The following CCDC150 variants were observed in gnomAD, a reference collection of about 807,000 sequenced individuals.
CCDC150 encodes coiled-coil domain containing 150, also known as coiled-coil domain-containing protein 150.
CCDC150 carries 151 observed loss-of-function variants against 156.5 expected under a neutral mutation model. That is an observed-to-expected ratio of 0.97 (90% CI 0.85 to 1.10). The LOEUF is 1.10. Ranked by LOEUF, CCDC150 falls within the 50% of genes least tolerant of loss-of-function variation. CCDC150 has a pLI of 0.00. For synonymous variants in CCDC150, 452 were observed against 429.4 expected (o/e 1.05, Z -0.65); for missense variants, 1,312 against 1,268.1 (o/e 1.03, Z -0.53).
At chr2:196,716,875 G>A (rs1418964559) in intron 17 of CCDC150, among the ~76,000 whole-genome samples, 17 of 76,360 alleles carry the variant, frequency 2.2e-4, no homozygotes, top group African/African-American at 9.3e-4. Context: ...TTTTTTTTGA[G>A]ACAGAGAGTC....
chr2:196,641,124 G>A (rs538811076), intron 1 of CCDC150, among the ~76,000 whole-genome samples: 2 of 148,704 alleles, frequency 1.3e-5, no homozygotes, highest in South Asian at 2.2e-4. Flanking sequence ...CACCACGCCC[G>A]GCTAATTTTT....
intron 25 of CCDC150, 137 bp downstream of exon 25, chr2:196,730,255 C>T: frequency 1.5e-6 from 1 of 680,208 alleles, no homozygotes; most frequent in Non-Finnish European, 2.3e-6. Context: ...TAGCTAAGTC[C>T]TTAGAATAAT....
At chr2:196,720,906 C>G (rs1015746553) in intron 20 of CCDC150, among the ~76,000 whole-genome samples, 1 of 151,946 alleles carries the variant, frequency 6.6e-6, no homozygotes, top group Non-Finnish European at 1.5e-5. Flanking sequence ...CTTATATGGT[C>G]TACATTTTTA....
intron 7 of CCDC150, chr2:196,667,794 A>T (rs923153035): frequency 3.3e-5 from 5 of 152,228 alleles, no homozygotes; most frequent in Non-Finnish European, 1.5e-5. Flanking sequence ...CAATGTTTTG[A>T]CTTACTGCTT....
chr2:196,719,794 G>A (rs1697771226), intron 19 of CCDC150, 128 bp downstream of exon 19: 1 of 570,252 alleles, frequency 1.8e-6, no homozygotes, highest in East Asian at 3.3e-5. Flanking sequence ...ATGATATGTT[G>A]AAAGAATTCC....
At chr2:196,680,389 C>G (rs1018240167) in intron 13 of CCDC150, among the ~76,000 whole-genome samples, 5 of 152,128 alleles carry the variant, frequency 3.3e-5, no homozygotes, top group East Asian at 1.9e-4. Flanking sequence ...CTCCACCCCC[C>G]CAGGCTCAGG....
Position 196,648,565 on chromosome 2 carries a change from A to G in CCDC150, c.176+2061A>G, listed in dbSNP as rs574200845. 2.0e-5 allele frequency among the ~76,000 whole-genome samples: 3 copies of G among 152,282 alleles called. No homozygotes were observed. The East Asian group carries it at 5.8e-4, about 29-fold the overall frequency. On this transcript the variant is annotated intron_variant, in intron 2 of 27. Coordinates refer to ENST00000389175, the MANE Select transcript of CCDC150 (RefSeq NM_001080539.2). ...TTTATCAGATGTATGATTTGCAAAT[A>G]TCTTTTGCCAGTCTGTGAGTTGTCT...
At chr2:196,714,731 C>A (rs1349536187) in intron 17 of CCDC150, among the ~76,000 whole-genome samples, 1 of 152,112 alleles carries the variant, frequency 6.6e-6, no homozygotes, top group East Asian at 1.9e-4. Context: ...AGACCCTATT[C>A]TCCTGCCTCA....
chr2:196,703,307 A>G (rs912112115), intron 15 of CCDC150, among the ~76,000 whole-genome samples: 1 of 152,228 alleles, frequency 6.6e-6, no homozygotes, highest in Non-Finnish European at 1.5e-5. Context: ...GTAGTCGATA[A>G]GCCATGCTTG....
At chr2:196,676,379 T>C in intron 11 of CCDC150, 112 bp downstream of exon 11, 1 of 1,436,208 alleles carries the variant, frequency 7.0e-7, no homozygotes. Context: ...TCTGCATTTT[T>C]TGGGCCAGCC....
At chr2:196,695,213 A>G in intron 14 of CCDC150, 54 bp downstream of exon 14, 2 of 923,954 alleles carry the variant, frequency 2.2e-6, no homozygotes, top group Non-Finnish European at 3.4e-6. Context: ...GAGTTCAGAA[A>G]TAACAACAAC....
At chr2:196,731,391 C>T (rs1336840534) in intron 26 of CCDC150, among the ~76,000 whole-genome samples, 1 of 133,306 alleles carries the variant, frequency 7.5e-6, no homozygotes, top group Non-Finnish European at 1.6e-5. Flanking sequence ...TCAAATCATA[C>T]TTTTTTTTTT....
intron 15 of CCDC150, 33 bp from the exon 16 acceptor site, chr2:196,712,112 A>T (rs200274095): frequency 3.4e-5 from 37 of 1,073,248 alleles, no homozygotes; most frequent in African/African-American, 4.9e-5. Flanking sequence ...TTTATTTTTT[A>T]AAATTTTTTT....
At chr2:196,732,360 A>C (rs1265584677) in intron 27 of CCDC150, 86 bp from the exon 28 acceptor site, 3 of 1,126,232 alleles carry the variant, frequency 2.7e-6, no homozygotes, top group Admixed American at 3.8e-5. Flanking sequence ...CTTCATGAAT[A>C]GATGACATGT....
chr2:196,685,331 T>C (rs1695059680), intron 13 of CCDC150, among the ~76,000 whole-genome samples: 1 of 152,172 alleles, frequency 6.6e-6, no homozygotes, highest in Admixed American at 6.5e-5. Context: ...TCTAGTGCCC[T>C]TTTATTTTAG....
At chr2:196,665,460 C>T in intron 5 of CCDC150, 107 bp from the exon 6 acceptor site, 1 of 553,858 alleles carries the variant, frequency 1.8e-6, no homozygotes, top group Non-Finnish European at 3.1e-6. Flanking sequence ...TGAATTAAGA[C>T]TGTTTGGGGG....
At chr2:196,659,678 CTAT>C (rs1693436226) in intron 5 of CCDC150, among the ~76,000 whole-genome samples, 1 of 152,058 alleles carries the variant, frequency 6.6e-6, no homozygotes, top group Non-Finnish European at 1.5e-5. Context: ...TTGTACTAGA[CTAT>C]TTTTAGGGCA....
intron 13 of CCDC150, among the ~76,000 whole-genome samples, chr2:196,685,469 C>G (rs2125633142): frequency 6.6e-6 from 1 of 152,288 alleles, no homozygotes; most frequent in East Asian, 1.9e-4. Flanking sequence ...ACCACATTCT[C>G]AAGAGTGTGT....
At chr2:196,658,649 T>G in intron 4 of CCDC150, 143 bp from the exon 5 acceptor site, 1 of 575,872 alleles carries the variant, frequency 1.7e-6, no homozygotes, top group Non-Finnish European at 3.0e-6. Context: ...TACTTCAGAC[T>G]TATAACAAGG....
Sources: gnomAD v4.1 joint callset for allele counts (sites outside exome capture counted in the v4.1 genomes callset) on GRCh38, gnomAD v4.1.1 for gene constraint, MANE v1.5 for transcripts, NCBI Gene and HGNC (gene_info 2026-07-23, HGNC 2026-07-21) for gene names.